Variants in SCRT2 observed in about 807,000 individuals in gnomAD.
The protein encoded by SCRT2 is transcriptional repressor scratch 2.
A neutral mutation model predicts 3.7 loss-of-function variants in SCRT2; 2 were observed. The observed-to-expected ratio is 0.54, with a 90% CI of 0.22 to 1.70. SCRT2 has a LOEUF of 1.70. SCRT2 is among the 40% of genes most tolerant of loss of function. SCRT2 has a pLI of 0.19. For missense variants in SCRT2, 456 were observed against 468.5 expected (o/e 0.97, Z 0.25); for synonymous variants, 256 against 220.6 (o/e 1.16, Z -1.42).
rs1378550489 is a variant in SCRT2, at chr20:664,813, T to G, written c.134-352A>C. On this transcript the variant is annotated intron_variant, in intron 1 of 1. Transcript: ENST00000246104. The surrounding 1 kb of genome is among the most constrained non-coding windows in gnomAD (Gnocchi z 7.9). The stretch of plus-strand genomic sequence containing the variant: ...GCAGAGAGATGCAGCAGTCTAACCT[T>G]ACAGTCAGGAAGTGATGGAGCCCTT... Among the ~76,000 whole-genome samples the G allele has an allele frequency of 6.6e-6, 1 of 152,228 alleles. No individual in the cohort carries two copies. Among genetic ancestry groups the G allele is most frequent in the Non-Finnish European group, 1.5e-5 (1 of 68,038 alleles).
At chr20:671,400 G>A (rs1984325719) in intron 1 of SCRT2, among the ~76,000 whole-genome samples, 1 of 152,190 alleles carries the variant, frequency 6.6e-6, no homozygotes, top group Admixed American at 6.5e-5. Flanking sequence ...CCTTGGACCT[G>A]GACCAAGGCC....
chr20:664,448 G>A lies in SCRT2; in HGVS notation c.147C>T (p.His49=). The A allele has an allele frequency of 1.6e-6, 2 of 1,273,456 alleles. No individual in the cohort carries two copies. The highest frequency in any genetic ancestry group is 9.9e-7 in the Non-Finnish European group (1 of 1,006,674). 78.9% of individuals were successfully genotyped at this position (1,273,456 alleles called of 1,614,324 possible). ...CATCGTAGCTGCTCGGGGGCAGGCG[G>A]TGCGGGGCGTACCCTGGAGGGGGCG... The part of the protein sequence containing the change: ...GPPGDNGYAP[H]RLPPSSYDAD... The change falls in exon 2 of 2, where the codon CAC becomes CAT. Residue 49 remains histidine, a synonymous_variant. Transcript: ENST00000246104. This position sits in a 1 kb window ranked among gnomAD's most constrained non-coding sequence, Gnocchi z 7.9.
intron 1 of SCRT2, among the ~76,000 whole-genome samples, chr20:670,557 C>T (rs746007456): frequency 6.6e-5 from 10 of 152,166 alleles, no homozygotes; most frequent in Non-Finnish European, 1.3e-4. Context: ...CAGGGTGCAC[C>T]GTTTATGCTC....
Position 665,063 on chromosome 20 carries a change from T to G in SCRT2, c.134-602A>C, listed in dbSNP as rs892358837. On this transcript the variant is annotated intron_variant, in intron 1 of 1. Transcript: ENST00000246104. This position sits in a 1 kb window ranked among gnomAD's most constrained non-coding sequence, Gnocchi z 5.0. ...GCCTCGGTGCTTTACGCATGTTAAC[T>G]CTAATCGTCACAGACCCAAGGAAGT... 4.6e-5 allele frequency among the ~76,000 whole-genome samples: 7 copies of G among 152,212 alleles called. No individual in the cohort carries two copies. The highest frequency in any genetic ancestry group is 7.3e-5 in the Non-Finnish European group (5 of 68,044).
intron 1 of SCRT2, among the ~76,000 whole-genome samples, chr20:669,503 C>T (rs925198008): frequency 6.6e-6 from 1 of 152,208 alleles, no homozygotes; most frequent in Non-Finnish European, 1.5e-5. Flanking sequence ...AATTCCTAGC[C>T]TCAGCCTCAC....
In SCRT2 at chr20:663,710, G is replaced by C. The variant is rs940130005; in HGVS notation, c.885C>G (p.Ala295=). 34 of 1,522,146 alleles carry C rather than the reference G, an allele frequency of 2.2e-5. No individual in the cohort carries two copies. In the African/African-American group the frequency reaches 4.1e-4, roughly 18 times the overall value. 94.3% of individuals were successfully genotyped at this position (1,522,146 alleles called of 1,614,324 possible). ...CGGCGGGGGTCGGCGGGGGTGGCTCGGCCGCCTTGGCGCAGGCCGCCTCGC... is the reference window on the plus strand; with the variant it reads ...CGGCGGGGGTCGGCGGGGGTGGCTCCGCCGCCTTGGCGCAGGCCGCCTCGC... ...KHCEAACAKA[A]EPPPPTPAGP... The change falls in exon 2 of 2, where the codon GCC becomes GCG. Residue 295 remains alanine (A), a synonymous_variant. Transcript: ENST00000246104. The surrounding 1 kb of genome is among the most constrained non-coding windows in gnomAD (Gnocchi z 6.9).
chr20:669,146 C>T (rs946525968), intron 1 of SCRT2, among the ~76,000 whole-genome samples: 2 of 5,004 alleles, frequency 4.0e-4, no homozygotes, highest in African/African-American at 8.5e-4. Flanking sequence ...GGTGGGGGCA[C>T]GGGGTGGTGG....
chr20:674,411 A>T (rs879307817), intron 1 of SCRT2, among the ~76,000 whole-genome samples: 47,088 of 101,616 alleles, frequency 0.46, 9,807 homozygotes, highest in Non-Finnish European at 0.59. Flanking sequence ...ACACACACAC[A>T]CACACACACA....
chr20:675,562 C>T lies in SCRT2; in HGVS notation c.40G>A (p.Gly14Ser). 7.3e-7 allele frequency: 1 copy of T among 1,377,298 alleles called. No individual in the cohort carries two copies. The highest frequency in any genetic ancestry group is 1.9e-5 in the South Asian group (1 of 52,126). The allele number at this position is 1,377,298 out of a possible 1,614,324, so 85.3% of individuals were successfully genotyped here. The change falls in exon 1 of 2, where the codon GGC (glycine) becomes AGC (serine). Residue 14 changes from glycine to serine, a missense_variant. Coordinates refer to ENST00000246104, the MANE Select transcript of SCRT2 (RefSeq NM_033129.4). The surrounding 1 kb of genome is among the most constrained non-coding windows in gnomAD (Gnocchi z 6.9). ...SFLVKKIKGD[G>S]FQCSGVPAPT... ...GCCGGCACCCCGCTGCACTGGAAGC[C>T]GTCCCCTTTGATCTTCTTTACCAGG...
intron 1 of SCRT2, among the ~76,000 whole-genome samples, chr20:668,718 C>T (rs1031197489): frequency 1.2e-4 from 19 of 152,216 alleles, no homozygotes; most frequent in African/African-American, 4.3e-4. Flanking sequence ...ATATTTTAGA[C>T]TGAAGGTCCA....
rs1984007510 is a variant in SCRT2, at chr20:662,962, C to T, written c.*709G>A. 1 of 152,646 alleles carries T rather than the reference C, an allele frequency of 6.6e-6. No individual in the cohort carries two copies. The highest frequency in any genetic ancestry group is 2.4e-5 in the African/African-American group (1 of 41,396). The allele number at this position is 152,646 out of a possible 1,614,324, so 9.5% of individuals were successfully genotyped here. Reference sequence around the variant, plus strand: ...GGGGCTGGGAGTGGGTGATGAGATCCCCATGGACTGAAGACAGTAGGAACT... The same window carrying T: ...GGGGCTGGGAGTGGGTGATGAGATCTCCATGGACTGAAGACAGTAGGAACT... On this transcript the variant is annotated 3_prime_UTR_variant, in exon 2 of 2. Coordinates refer to ENST00000246104, the MANE Select transcript of SCRT2 (RefSeq NM_033129.4).
At chr20:671,205 G>A (rs1984320577) in intron 1 of SCRT2, among the ~76,000 whole-genome samples, 1 of 152,220 alleles carries the variant, frequency 6.6e-6, no homozygotes, top group South Asian at 2.1e-4. Context: ...ATTTGTCCTG[G>A]ATAGCAGACC....
chr20:664,241 C>G lies in SCRT2; in HGVS notation c.354G>C (p.Ser118=), dbSNP rs766489413. The G allele has an allele frequency of 7.0e-5, 94 of 1,343,588 alleles. No individual in the cohort carries two copies. The highest frequency in any genetic ancestry group is 8.8e-5 in the Non-Finnish European group (91 of 1,038,594). The allele number at this position is 1,343,588 out of a possible 1,614,324, so 83.2% of individuals were successfully genotyped here. The stretch of plus-strand genomic sequence containing the variant: ...CGCCGCCCCCGCCCCGCCGCCGCCG[C>G]GAGCGCCCGTCCGAGATGAAGAAGG... ...MDAFFISDGR[S]RRRRGGGGGD... Residue 118 remains serine (S), a synonymous_variant, in exon 2 of 2, where the codon TCG becomes TCC. Transcript: ENST00000246104. This position sits in a 1 kb window ranked among gnomAD's most constrained non-coding sequence, Gnocchi z 7.9.
At position 663,820 on chromosome 20, in the gene SCRT2, T is replaced by A. The variant is rs763361664; in HGVS notation, c.775A>T (p.Met259Leu). 1 of 1,597,956 alleles carries A rather than the reference T, an allele frequency of 6.3e-7. No individual in the cohort carries two copies. The highest frequency in any genetic ancestry group is 1.1e-5 in the South Asian group (1 of 89,022). ...FADRSNLRAH[M>L]QTHSAFKHYR... Reference sequence around the variant, plus strand: ...TGCTTGAAGGCCGAGTGCGTCTGCATGTGCGCGCGCAGGTTGGAGCGGTCG... The same window carrying A: ...TGCTTGAAGGCCGAGTGCGTCTGCAAGTGCGCGCGCAGGTTGGAGCGGTCG... The change falls in exon 2 of 2, where the codon ATG (methionine) becomes TTG (leucine). Residue 259 changes from methionine (M) to leucine (L), a missense_variant. By Grantham distance (15) the Met-to-Leu change is conservative. Transcript: ENST00000246104. The surrounding 1 kb of genome is among the most constrained non-coding windows in gnomAD (Gnocchi z 6.9).
chr20:669,403 G>A (rs887411455), intron 1 of SCRT2, among the ~76,000 whole-genome samples: 22 of 152,148 alleles, frequency 1.4e-4, no homozygotes, highest in Admixed American at 6.6e-4. Context: ...ATCAGAGCTG[G>A]GTTGGCCTCC....
chr20:670,500 G>T (rs537588407), intron 1 of SCRT2, among the ~76,000 whole-genome samples: 23 of 152,280 alleles, frequency 1.5e-4, no homozygotes, highest in Admixed American at 1.2e-3. Flanking sequence ...TCCAGGCTGT[G>T]GGGGCCCCTA....
In SCRT2 at chr20:664,335, G is replaced by A. The variant is rs772346976; in HGVS notation, c.260C>T (p.Pro87Leu). The A allele has an allele frequency of 6.0e-6, 9 of 1,497,292 alleles. No individual in the cohort carries two copies. The highest frequency in any genetic ancestry group is 3.8e-5 in the Admixed American group (2 of 52,252). 92.8% of individuals were successfully genotyped at this position (1,497,292 alleles called of 1,614,324 possible). ...GTAGCGCGCCGACAGGCTCGACTGC[G>A]GGCTTTCGGGGTCGCTGTACTCCTC... ...APEEYSDPES[P>L]QSSLSARYFR... The change falls in exon 2 of 2, where the codon CCG (proline) becomes CTG (leucine). Residue 87 changes from proline to leucine, a missense_variant. By Grantham distance (98) the Pro-to-Leu change is moderately conservative (BLOSUM62 -3). Coordinates refer to ENST00000246104, the MANE Select transcript of SCRT2 (RefSeq NM_033129.4). This position sits in a 1 kb window ranked among gnomAD's most constrained non-coding sequence, Gnocchi z 7.9.
At chr20:670,995 CAG>C (rs2122354498) in intron 1 of SCRT2, among the ~76,000 whole-genome samples, 1 of 152,244 alleles carries the variant, frequency 6.6e-6, no homozygotes, top group South Asian at 2.1e-4. Flanking sequence ...GAAAGGAAAA[CAG>C]AGGCTGGGAG....
chr20:672,344 G>A (rs892327409), intron 1 of SCRT2, among the ~76,000 whole-genome samples: 3 of 151,914 alleles, frequency 2.0e-5, no homozygotes, highest in African/African-American at 7.3e-5. Flanking sequence ...TCTGCCTGGC[G>A]GTAGAGGCTG....
Sources: gnomAD v4.1 joint callset for allele counts (sites outside exome capture counted in the v4.1 genomes callset) on GRCh38, gnomAD v4.1.1 for gene constraint, Gnocchi (gnomAD v3.1) non-coding constraint, MANE v1.5 for transcripts, NCBI Gene and HGNC (gene_info 2026-07-23, HGNC 2026-07-21) for gene names.